HIKESHI: variants seen among roughly 807,000 people sequenced by gnomAD.
HIKESHI encodes protein Hikeshi.
HIKESHI carries 13 observed loss-of-function variants against 25.7 expected under a neutral mutation model. The observed-to-expected ratio is 0.51, with a 90% CI of 0.33 to 0.80. The LOEUF (loss-of-function observed/expected upper bound fraction) is 0.80, where lower values mean the gene tolerates loss of function less well. Among genes scored for constraint, HIKESHI ranks in the 30% least tolerant of loss-of-function variants. HIKESHI has a pLI of 0.02. For missense variants in HIKESHI, 174 were observed against 229.5 expected, an observed-to-expected ratio of 0.76 and a Z score of 1.56; for synonymous variants, 76 against 78.7, an observed-to-expected ratio of 0.97 and a Z score of 0.18.
intron 1 of HIKESHI, 84 bp downstream of exon 1, chr11:86,302,562 G>C (rs147236337): frequency 6.8e-7 from 1 of 1,467,626 alleles, no homozygotes; most frequent in Non-Finnish European, 9.3e-7. Context: ...GCAGGCGCTA[G>C]GGATGCGGGG....
chr11:86,329,518 G>C (rs1487319694), intron 2 of HIKESHI, among the ~76,000 whole-genome samples: 2 of 150,982 alleles, frequency 1.3e-5, no homozygotes, highest in East Asian at 1.9e-4. Flanking sequence ...TACAGATGTC[G>C]TGTCTATGAA....
intron 3 of HIKESHI, chr11:86,343,461 C>G (rs894466577): frequency 1.3e-5 from 2 of 151,892 alleles, no homozygotes; most frequent in Non-Finnish European, 2.9e-5. Flanking sequence ...ATAGTGAGAC[C>G]CTGTCTTTAT....
At chr11:86,308,161 A>G (rs1224865978) in intron 2 of HIKESHI, among the ~76,000 whole-genome samples, 2 of 137,402 alleles carry the variant, frequency 1.5e-5, no homozygotes, top group Non-Finnish European at 3.1e-5. Flanking sequence ...TATAAAATAT[A>G]TATTACATAT....
In HIKESHI at chr11:86,319,242, A is replaced by ATATTTTT. The variant is rs1383589741; in HGVS notation, c.268+12761_268+12762insATTTTTT. On this transcript the variant is annotated intron_variant, in intron 2 of 4. Transcript: ENST00000278483. ...AATATATATATATATATATATATAT[A>ATATTTTT]TTTTTTTTTTTTTTGAGACCAGTCT... 5.4e-4 allele frequency among the ~76,000 whole-genome samples: 51 copies of ATATTTTT among 94,934 alleles called. 2 individuals are homozygous for ATATTTTT. The East Asian group carries it at 0.011, about 21-fold the overall frequency. The allele number at this position is 94,934 out of a possible 152,430, so 62.3% of individuals were successfully genotyped here.
intron 2 of HIKESHI, among the ~76,000 whole-genome samples, chr11:86,315,969 T>G (rs1335571348): frequency 1.3e-5 from 2 of 151,984 alleles, no homozygotes; most frequent in African/African-American, 4.8e-5. Context: ...TCCTTACAAG[T>G]AATCCTATTA....
intron 3 of HIKESHI, 64 bp from the exon 4 acceptor site, chr11:86,344,539 T>TTAAA: frequency 1.0e-6 from 1 of 966,536 alleles, no homozygotes; most frequent in Admixed American, 2.5e-5. Flanking sequence ...ACTTTTAATT[T>TTAAA]AAAAATATTG....
chr11:86,341,374 CTA>C (rs1417951896), intron 3 of HIKESHI, among the ~76,000 whole-genome samples: 2 of 151,560 alleles, frequency 1.3e-5, no homozygotes, highest in African/African-American at 2.4e-5. Flanking sequence ...GCATAGATTT[CTA>C]TGTTTCTACT....
intron 2 of HIKESHI, among the ~76,000 whole-genome samples, chr11:86,313,375 C>T (rs1248356829): frequency 6.6e-6 from 1 of 152,090 alleles, no homozygotes; most frequent in East Asian, 1.9e-4. Context: ...GGATTACAGG[C>T]ACCCGCCACC....
Position 86,338,746 on chromosome 11 carries a change from T to C in HIKESHI, c.420+1216T>C, listed in dbSNP as rs559431710. The stretch of plus-strand genomic sequence containing the variant: ...AGACTCTGGGTCTCAAAAATGTTTT[T>C]TTTCCCATAATTTTACAAATAAGCT... On this transcript the variant is annotated intron_variant, in intron 3 of 4. Transcript: ENST00000278483. Among the ~76,000 whole-genome samples the C allele has an allele frequency of 1.7e-3, 260 of 152,276 alleles. 2 individuals carry two copies. The highest frequency in any genetic ancestry group is 6.1e-3 in the African/African-American group (253 of 41,570).
At chr11:86,320,808 A>AT (rs1274758355) in intron 2 of HIKESHI, among the ~76,000 whole-genome samples, 1 of 152,030 alleles carries the variant, frequency 6.6e-6, no homozygotes, top group East Asian at 1.9e-4. Flanking sequence ...AATAGTTTGC[A>AT]TTTTCTAGAG....
chr11:86,327,030 G>A (rs1947298992), intron 2 of HIKESHI, among the ~76,000 whole-genome samples: 1 of 152,106 alleles, frequency 6.6e-6, no homozygotes, highest in African/African-American at 2.4e-5. Flanking sequence ...GTTTGAGACT[G>A]GCGTGGGTCA....
At chr11:86,311,209 A>T (rs1021553795) in intron 2 of HIKESHI, among the ~76,000 whole-genome samples, 23 of 152,066 alleles carry the variant, frequency 1.5e-4, no homozygotes, top group African/African-American at 5.3e-4. Flanking sequence ...TTTGCTTGGT[A>T]GGCTATTAAT....
chr11:86,305,187 A>G (rs1593798392), intron 1 of HIKESHI, among the ~76,000 whole-genome samples: 1 of 150,118 alleles, frequency 6.7e-6, no homozygotes, highest in African/African-American at 2.5e-5. Context: ...TTTTGTAGAG[A>G]TCGGATTTTG....
chr11:86,303,060 C>A (rs1196708529), intron 1 of HIKESHI, among the ~76,000 whole-genome samples: 1 of 152,080 alleles, frequency 6.6e-6, no homozygotes. Context: ...CTGAGATAAC[C>A]AGAGAAGGAT....
intron 2 of HIKESHI, among the ~76,000 whole-genome samples, chr11:86,323,718 A>G (rs1479014659): frequency 1.3e-5 from 2 of 152,124 alleles, no homozygotes; most frequent in East Asian, 3.9e-4. Context: ...CACGTAAGAG[A>G]TTGGGGAGGC....
chr11:86,310,934 C>G (rs1050606530), intron 2 of HIKESHI, among the ~76,000 whole-genome samples: 1 of 152,140 alleles, frequency 6.6e-6, no homozygotes, highest in African/African-American at 2.4e-5. Context: ...GGTGGATAAG[C>G]TTTTTGATGT....
chr11:86,308,596 T>A (rs1946747756), intron 2 of HIKESHI, among the ~76,000 whole-genome samples: 2 of 149,974 alleles, frequency 1.3e-5, no homozygotes, highest in East Asian at 1.9e-4. Context: ...ATGCTTTAAC[T>A]TCTAGGGTAC....
At chr11:86,317,422 A>G (rs1257317262) in intron 2 of HIKESHI, among the ~76,000 whole-genome samples, 1 of 152,192 alleles carries the variant, frequency 6.6e-6, no homozygotes, top group Non-Finnish European at 1.5e-5. Context: ...AAAAGTAGAA[A>G]TTAATGATGG....
chr11:86,337,260 A>C (rs1174008205), intron 2 of HIKESHI, 119 bp from the exon 3 acceptor site: 1 of 914,702 alleles, frequency 1.1e-6, no homozygotes, highest in Non-Finnish European at 1.6e-6. Context: ...AAAGAGGGAC[A>C]AACTTGGACA....
Sources: allele counts gnomAD v4.1 joint callset (sites outside exome capture counted in the v4.1 genomes callset), GRCh38; gene constraint gnomAD v4.1.1; transcripts MANE v1.5; gene names NCBI Gene and HGNC (gene_info 2026-07-23, HGNC 2026-07-21).